Variants in AKR1E2 observed in about 807,000 individuals in gnomAD.
AKR1E2 encodes the protein 1,5-anhydro-D-fructose reductase.
A neutral mutation model predicts 41.9 loss-of-function variants in AKR1E2; 43 were observed. The ratio of observed to expected loss-of-function variants is 1.03; its 90% CI spans 0.80 to 1.32. AKR1E2 has a LOEUF of 1.32. Among genes scored for constraint, AKR1E2 ranks in the 40% most tolerant of loss-of-function variants. AKR1E2 has a pLI of 0.00. For missense variants in AKR1E2, 423 were observed against 396.5 expected (o/e 1.07, Z -0.57); for synonymous variants, 121 against 138.9 (o/e 0.87, Z 0.91).
At chr10:4,842,539 A>C in intron 8 of AKR1E2, 35 bp downstream of exon 8, 1 of 1,595,520 alleles carries the variant, frequency 6.3e-7, no homozygotes, top group African/African-American at 1.3e-5. Flanking sequence ...GGCGGGTTTC[A>C]GATCATGTGT....
chr10:4,850,336 T>A (rs1834498778), downstream of AKR1E2, among the ~76,000 whole-genome samples: 1 of 152,210 alleles, frequency 6.6e-6, no homozygotes, highest in Non-Finnish European at 1.5e-5. Context: ...CATTGGCACT[T>A]TCGTATTTTA....
In AKR1E2 at chr10:4,826,329, G is replaced by A. The variant is rs1375903793; in HGVS notation, c.5G>A (p.Gly2Glu). MGDIPAVGLSSW... is the reference protein window; with the variant it reads MEDIPAVGLSSW... The stretch of plus-strand genomic sequence containing the variant: ...GCGGGGCGGCCGGCGGCGGCCATGG[G>A]AGATATCCCAGCCGTGGGCCTCAGC... Residue 2 changes from glycine (G) to glutamate (E), a missense_variant, in exon 1 of 10, where the codon GGA becomes GAA. Transcript: ENST00000298375. The A allele has an allele frequency of 5.7e-6, 7 of 1,234,822 alleles. No homozygotes were observed. The highest frequency in any genetic ancestry group is 7.1e-6 in the Non-Finnish European group (7 of 987,662). 76.5% of individuals were successfully genotyped at this position (1,234,822 alleles called of 1,614,324 possible). A position where few individuals can be genotyped will look rare whatever the true frequency, so the allele number is the denominator to read the frequency against.
At chr10:4,865,199 C>T in the AKR1E2 span, among the ~76,000 whole-genome samples, 2 of 152,102 alleles carry the variant, frequency 1.3e-5, no homozygotes, top group South Asian at 4.1e-4. Context: ...ACACTTCTAT[C>T]TCATTTAAAA....
At chr10:4,844,541 A>C (rs960903782) in intron 8 of AKR1E2, among the ~76,000 whole-genome samples, 14 of 152,128 alleles carry the variant, frequency 9.2e-5, no homozygotes, top group African/African-American at 3.4e-4. Flanking sequence ...CAGAGAGCCG[A>C]GTGGTCTGTT....
At chr10:4,855,159 C>G in the AKR1E2 span, among the ~76,000 whole-genome samples, 2 of 152,148 alleles carry the variant, frequency 1.3e-5, no homozygotes, top group Non-Finnish European at 2.9e-5. Flanking sequence ...CTTGCCTTTC[C>G]CACCCTGCCT....
chr10:4,826,363 G>A lies in AKR1E2; in HGVS notation c.39G>A (p.Lys13=). 8.1e-7 allele frequency: 1 copy of A among 1,234,660 alleles called. No individual in the cohort carries two copies. Among genetic ancestry groups the A allele is most frequent in the Non-Finnish European group, 1.0e-6 (1 of 987,422 alleles). 76.5% of individuals were successfully genotyped at this position (1,234,660 alleles called of 1,614,324 possible). The stretch of plus-strand genomic sequence containing the variant: ...CAGCCGTGGGCCTCAGCTCCTGGAA[G>A]GTGACGCGGTCGCGGGCAGGGAGGC... ...DIPAVGLSSW[K]ASPGKVTEAV... is the part of the protein sequence containing the mutation. Residue 13 remains lysine (K), a splice_region_variant and synonymous_variant, in exon 1 of 10, where the codon AAG becomes AAA. Coordinates refer to ENST00000298375, the MANE Select transcript of AKR1E2 (RefSeq NM_001040177.3).
the AKR1E2 span, among the ~76,000 whole-genome samples, chr10:4,870,278 C>T: frequency 2.0e-5 from 3 of 151,996 alleles, no homozygotes; most frequent in African/African-American, 4.8e-5. Flanking sequence ...CATTTAAAAC[C>T]ATATAAGACA....
chr10:4,839,440 G>A (rs557498009), intron 5 of AKR1E2, among the ~76,000 whole-genome samples: 3 of 146,424 alleles, frequency 2.0e-5, no homozygotes, highest in Middle Eastern at 3.8e-3. Flanking sequence ...GAGCTATGGT[G>A]TGTTAACAAT....
chr10:4,839,652 G>T, intron 5 of AKR1E2, 77 bp from the exon 6 acceptor site: 1 of 1,360,684 alleles, frequency 7.3e-7, no homozygotes, highest in South Asian at 1.2e-5. Context: ...CCAAGACTTT[G>T]ACGCAGGTCT....
chr10:4,856,475 G>T, the AKR1E2 span, among the ~76,000 whole-genome samples: 1 of 152,184 alleles, frequency 6.6e-6, no homozygotes, highest in Non-Finnish European at 1.5e-5. Context: ...TGGTCAAAGT[G>T]AATACGATTG....
At chr10:4,871,567 AC>A in the AKR1E2 span, among the ~76,000 whole-genome samples, 1 of 152,212 alleles carries the variant, frequency 6.6e-6, no homozygotes, top group Non-Finnish European at 1.5e-5. Context: ...TGAGAGATTC[AC>A]ATCCATTGTG....
chr10:4,836,274 G>A (rs1024795523), intron 4 of AKR1E2, among the ~76,000 whole-genome samples: 3 of 152,046 alleles, frequency 2.0e-5, no homozygotes, highest in African/African-American at 4.8e-5. Flanking sequence ...GACCAGTGTC[G>A]GGGAAGGTTA....
chr10:4,841,475 C>CA (rs3214805), intron 6 of AKR1E2, among the ~76,000 whole-genome samples: 36,424 of 152,006 alleles, frequency 0.24, 4,607 homozygotes, highest in Middle Eastern at 0.37. Context: ...CCCTGAGAGT[C>CA]GGGGGAGTCA....
the AKR1E2 span, among the ~76,000 whole-genome samples, chr10:4,856,310 T>C: frequency 6.6e-6 from 1 of 152,210 alleles, no homozygotes; most frequent in African/African-American, 2.4e-5. Flanking sequence ...TGTGAACATA[T>C]TGGCTAAAGT....
chr10:4,869,931 A>G, the AKR1E2 span, among the ~76,000 whole-genome samples: 1 of 151,862 alleles, frequency 6.6e-6, no homozygotes, highest in Non-Finnish European at 1.5e-5. Flanking sequence ...TATTTTCTAT[A>G]TGTTGTGGTT....
At chr10:4,832,303 T>C (rs1279168282) in intron 2 of AKR1E2, among the ~76,000 whole-genome samples, 1 of 152,252 alleles carries the variant, frequency 6.6e-6, no homozygotes, top group Non-Finnish European at 1.5e-5. Context: ...ATGTTGTTTC[T>C]ATAGTTGAAT....
At chr10:4,838,445 A>G (rs1226870669) in intron 5 of AKR1E2, among the ~76,000 whole-genome samples, 1 of 152,196 alleles carries the variant, frequency 6.6e-6, no homozygotes, top group Non-Finnish European at 1.5e-5. Context: ...TTCTGCTGTT[A>G]ATGGGCACTT....
At chr10:4,861,923 T>C in the AKR1E2 span, among the ~76,000 whole-genome samples, 1 of 152,216 alleles carries the variant, frequency 6.6e-6, no homozygotes, top group African/African-American at 2.4e-5. Context: ...GTGCAGAAGC[T>C]CTTTGGTTTA....
At position 4,826,236 on chromosome 10, in the gene AKR1E2, G is replaced by A. The variant is rs1340730492; in HGVS notation, c.-89G>A. 3.7e-6 allele frequency: 4 copies of A among 1,089,536 alleles called. No individual in the cohort carries two copies. Among genetic ancestry groups the A allele is most frequent in the Non-Finnish European group, 4.7e-6 (4 of 857,032 alleles). 67.5% of individuals were successfully genotyped at this position (1,089,536 alleles called of 1,614,324 possible). On this transcript the variant is annotated 5_prime_UTR_variant, in exon 1 of 10. Coordinates refer to ENST00000298375, the MANE Select transcript of AKR1E2 (RefSeq NM_001040177.3). The stretch of plus-strand genomic sequence containing the variant: ...CAAGGCACTTCCAGCCAGTCGCAAC[G>A]GCGGGTCGCCAGCGCCGCAGTAGCT...
Sources: gnomAD v4.1 joint callset for allele counts (sites outside exome capture counted in the v4.1 genomes callset) on GRCh38, gnomAD v4.1.1 for gene constraint, MANE v1.5 for transcripts, NCBI Gene and HGNC (gene_info 2026-07-23, HGNC 2026-07-21) for gene names.